The following OSGEP variants were observed in gnomAD, a reference collection of about 807,000 sequenced individuals.
OSGEP encodes tRNA N6-adenosine threonylcarbamoyltransferase.
In OSGEP, 39 loss-of-function variants were observed where a neutral mutation model predicts 44.1. The observed-to-expected ratio is 0.88, with a 90% confidence interval of 0.69 to 1.16. The LOEUF is 1.16. Ranked by LOEUF, OSGEP falls within the 50% of genes most tolerant of loss-of-function variation. The pLI is 0.00. For synonymous variants in OSGEP, 139 were observed against 161.9 expected, an observed-to-expected ratio of 0.86 and a Z score of 1.07; for missense variants, 403 against 443.1, an observed-to-expected ratio of 0.91 and a Z score of 0.81.
In OSGEP at chr14:20,452,361, G is replaced by A. The variant is rs148435101; in HGVS notation, c.203C>T (p.Ser68Phe). ...QEALTESGLT[S>F]QDIDCIAYTK... The stretch of plus-strand genomic sequence containing the variant: ...GTATGCAATGCAGTCGATATCCTGG[G>A]AGGTTAATCCAGACTCTGTTAGTGC... The change falls in exon 2 of 11, where the codon TCC becomes TTC. Residue 68 changes from serine to phenylalanine, a missense_variant. Transcript: ENST00000206542. 8.1e-6 allele frequency: 13 copies of A among 1,614,010 alleles called. No individual in the cohort carries two copies. In the South Asian group the frequency reaches 1.2e-4, roughly 15 times the overall value.
At chr14:20,454,492 C>T (rs571882983) in intron 1 of OSGEP, 77 bp downstream of exon 1, 1 of 966,506 alleles carries the variant, frequency 1.0e-6, no homozygotes, top group African/African-American at 1.6e-5. Flanking sequence ...CTGCACCTCA[C>T]TAGTATTTAG....
chr14:20,454,743 CCT>C lies in OSGEP; in HGVS notation c.-62_-61del, dbSNP rs1294938521. 1.4e-5 allele frequency: 17 copies of C among 1,235,226 alleles called. No individual in the cohort carries two copies. The highest frequency in any genetic ancestry group is 2.0e-5 in the Non-Finnish European group (17 of 847,682). The allele number at this position is 1,235,226 out of a possible 1,614,324, so 76.5% of individuals were successfully genotyped here. On this transcript the variant is annotated 5_prime_UTR_variant, in exon 1 of 11. Transcript: ENST00000206542. Reference sequence around the variant, plus strand: ...TGGCAATGTCAGGAGCTGTGGAGGTCCTCACTAGTCCGCGCTGGGCCGCAGCT... The same window carrying C: ...TGGCAATGTCAGGAGCTGTGGAGGTCCACTAGTCCGCGCTGGGCCGCAGCT...
At chr14:20,453,099 G>A (rs1881146751) in intron 1 of OSGEP, among the ~76,000 whole-genome samples, 1 of 152,164 alleles carries the variant, frequency 6.6e-6, no homozygotes, top group Non-Finnish European at 1.5e-5. Context: ...ATAATTTTCT[G>A]TGGTTTGCTC....
In OSGEP at chr14:20,449,457, G is replaced by A. The variant is rs1881039882; in HGVS notation, c.412-191C>T. ...TTGAGAAGAAATCTGTATACCCTGAGGATTCCAGGAACAGATTCCTAGACA... is the reference window on the plus strand; with the variant it reads ...TTGAGAAGAAATCTGTATACCCTGAAGATTCCAGGAACAGATTCCTAGACA... On this transcript the variant is annotated intron_variant, in intron 3 of 10. Coordinates refer to ENST00000206542, the MANE Select transcript of OSGEP (RefSeq NM_017807.4). The A allele has an allele frequency of 5.3e-6, 3 of 569,682 alleles. No homozygotes were observed. In the African/African-American group the frequency reaches 5.6e-5, roughly 11 times the overall value. 35.3% of individuals were successfully genotyped at this position (569,682 alleles called of 1,614,324 possible).
At chr14:20,447,730 C>G in intron 8 of OSGEP, 40 bp from the exon 9 acceptor site, 1 of 1,511,046 alleles carries the variant, frequency 6.6e-7, no homozygotes, top group Non-Finnish European at 9.2e-7. Flanking sequence ...TAGTTTTAGC[C>G]ATCTCTTCAT....
intron 1 of OSGEP, among the ~76,000 whole-genome samples, chr14:20,452,652 C>T (rs1477834520): frequency 6.6e-6 from 1 of 152,124 alleles, no homozygotes; most frequent in Non-Finnish European, 1.5e-5. Context: ...TCTTCTTACC[C>T]TACTCAGCCT....
rs2139288110 is a variant in OSGEP at position 20,446,593 on chromosome 14, T to C, written c.*647A>G. On this transcript the variant is annotated 3_prime_UTR_variant, in exon 11 of 11. Coordinates refer to ENST00000206542, the MANE Select transcript of OSGEP (RefSeq NM_017807.4). ...CTGGGACTACAGATGTGCGCCACCA[T>C]GCCCAGATAATTTTTACATTTTTCA... 1 of 152,282 alleles carries C rather than the reference T, an allele frequency of 6.6e-6. No individual in the cohort carries two copies. The highest frequency in any genetic ancestry group is 6.5e-5 in the Admixed American group (1 of 15,290). The allele number at this position is 152,282 out of a possible 1,614,324, so 9.4% of individuals were successfully genotyped here.
intron 1 of OSGEP, among the ~76,000 whole-genome samples, chr14:20,453,628 A>G (rs1168765374): frequency 1.3e-5 from 2 of 152,090 alleles, no homozygotes; most frequent in Admixed American, 1.3e-4. Context: ...TTGGCCTCCC[A>G]AAGTGCTGGG....
In OSGEP at chr14:20,446,634, G is replaced by C. The variant is rs987947623; in HGVS notation, c.*606C>G. The C allele has an allele frequency of 6.6e-6, 1 of 152,112 alleles. No homozygotes were observed. The highest frequency in any genetic ancestry group is 1.5e-5 in the Non-Finnish European group (1 of 68,146). 9.4% of individuals were successfully genotyped at this position (152,112 alleles called of 1,614,324 possible). A position where few individuals can be genotyped will look rare whatever the true frequency, so the allele number is the denominator to read the frequency against. On this transcript the variant is annotated 3_prime_UTR_variant, in exon 11 of 11. Transcript: ENST00000206542. ...ACATTTTTCAAATAGATGGTGTCTT[G>C]CTATTTGCCCAGGCTGGGCTCAAAC...
chr14:20,448,815 T>C lies in OSGEP; in HGVS notation c.558-4A>G. 6.2e-7 allele frequency: 1 copy of C among 1,611,208 alleles called. No individual in the cohort carries two copies. Among genetic ancestry groups the C allele is most frequent in the Non-Finnish European group, 8.5e-7 (1 of 1,177,322 alleles). On this transcript the variant is annotated splice_polypyrimidine_tract_variant and splice_region_variant and intron_variant, in intron 5 of 10. Coordinates refer to ENST00000206542, the MANE Select transcript of OSGEP (RefSeq NM_017807.4). ...CAGCTCAACTAGCTTCTTGCCTCTA[T>C]GTGGGAATAAGCGTACGAGGCACTA...
rs556755168 is a variant in OSGEP at position 20,446,907 on chromosome 14, A to T, written c.*333T>A. ...GGTAAGACTGCTTGAGCCCAGTTCG[A>T]GACCAGCCTGGGAAACACAGCAAGA... On this transcript the variant is annotated 3_prime_UTR_variant, in exon 11 of 11. Coordinates refer to ENST00000206542, the MANE Select transcript of OSGEP (RefSeq NM_017807.4). The T allele has an allele frequency of 1.3e-5, 4 of 316,078 alleles. No individual in the cohort carries two copies. The highest frequency in any genetic ancestry group is 8.6e-5 in the African/African-American group (4 of 46,776). 19.6% of individuals were successfully genotyped at this position (316,078 alleles called of 1,614,324 possible). A position where few individuals can be genotyped will look rare whatever the true frequency, so the allele number is the denominator to read the frequency against.
intron 6 of OSGEP, among the ~76,000 whole-genome samples, 188 bp downstream of exon 6, chr14:20,448,545 C>A (rs1037533064): frequency 1.3e-5 from 2 of 152,078 alleles, no homozygotes; most frequent in Admixed American, 6.5e-5. Flanking sequence ...TCTCTACTAT[C>A]TAGAACAGCA....
intron 1 of OSGEP, among the ~76,000 whole-genome samples, chr14:20,453,490 C>T (rs1881162569): frequency 6.6e-6 from 1 of 152,100 alleles, no homozygotes; most frequent in African/African-American, 2.4e-5. Context: ...CCTCAGCCTC[C>T]CAAGTAGCTG....
At chr14:20,452,708 C>CTTTTTT (rs59935464) in intron 1 of OSGEP, among the ~76,000 whole-genome samples, 2 of 135,318 alleles carry the variant, frequency 1.5e-5, no homozygotes, top group Non-Finnish European at 3.2e-5. Flanking sequence ...CTTTCGTGAT[C>CTTTTTT]TTTTTTTTTT....
intron 3 of OSGEP, chr14:20,451,399 T>G (rs1278926492): frequency 4.8e-6 from 1 of 209,710 alleles, no homozygotes; most frequent in Admixed American, 5.9e-5. Flanking sequence ...TTCCGCCTCC[T>G]GGGTTCAAGT....
In OSGEP at chr14:20,454,598, C is replaced by G; in HGVS notation, c.86G>C (p.Arg29Pro). Residue 29 changes from arginine (R) to proline (P), a missense_variant, in exon 1 of 11, where the codon CGG (arginine) becomes CCG (proline). Physicochemically the swap from Arg to Pro is moderately radical, Grantham distance 103. Transcript: ENST00000206542. ...VRDGKVLANP[R>P]RTYVTPPGTG... The stretch of plus-strand genomic sequence containing the variant: ...GCCAGGAGGCGTGACGTAAGTCCGC[C>G]GCGGGTTCGCCAGCACCTTGCCATC... 1 of 1,614,168 alleles carries G rather than the reference C, an allele frequency of 6.2e-7. No individual in the cohort carries two copies. Among genetic ancestry groups the G allele is most frequent in the South Asian group, 1.1e-5 (1 of 91,082 alleles).
intron 2 of OSGEP, 55 bp from the exon 3 acceptor site, chr14:20,452,204 G>C: frequency 6.7e-7 from 1 of 1,492,734 alleles, no homozygotes; most frequent in African/African-American, 1.4e-5. Flanking sequence ...AAACAATAGT[G>C]GGGGACATAA....
Position 20,447,934 on chromosome 14 carries a change from G to A in OSGEP, c.763C>T (p.Gln255Ter), listed in dbSNP as rs200126749. The A allele has an allele frequency of 7.8e-5, 126 of 1,613,416 alleles. No homozygotes were observed. The highest frequency in any genetic ancestry group is 1.1e-4 in the Non-Finnish European group (125 of 1,179,448). The part of the protein sequence containing the change: ...TERAMAHCGS[Q>*]EALIVGGVGC... ...ACTCCTCCCACAATGAGGGCCTCCT[G>A]GGAGCCACAATGTGCCATGGCTCGC... The change falls in exon 8 of 11, where the codon CAG becomes TAG. Residue 255 changes from glutamine to a stop codon, truncating the protein, a stop_gained. Transcript: ENST00000206542. LOFTEE classifies it high-confidence loss of function.
intron 8 of OSGEP, 64 bp downstream of exon 8, chr14:20,447,828 TAATGATTTAGAG>T: frequency 7.8e-7 from 1 of 1,287,766 alleles, no homozygotes; most frequent in East Asian, 2.3e-5. Flanking sequence ...TCCAAACGCT[TAATGATTTAGAG>T]TACCAGGAGG....
Sources: allele counts gnomAD v4.1 joint callset (sites outside exome capture counted in the v4.1 genomes callset), GRCh38; gene constraint gnomAD v4.1.1; transcripts MANE v1.5; gene names NCBI Gene and HGNC (gene_info 2026-07-23, HGNC 2026-07-21).